The following SPNS3 variants were observed in gnomAD, a reference collection of about 807,000 sequenced individuals.
The protein encoded by SPNS3 is protein spinster homolog 3.
A neutral mutation model predicts 54.4 loss-of-function variants in SPNS3; 51 were observed. The observed-to-expected ratio is 0.94, with a 90% CI of 0.75 to 1.18. The LOEUF is 1.18. SPNS3 is among the 50% of genes most tolerant of loss of function. The pLI, the probability that SPNS3 is intolerant of heterozygous loss-of-function variation, is 0.00. For synonymous variants in SPNS3, 309 were observed against 294.7 expected (o/e 1.05, Z -0.50); for missense variants, 669 against 677.4 (o/e 0.99, Z 0.14).
intron 8 of SPNS3, among the ~76,000 whole-genome samples, chr17:4,477,851 C>G (rs1597341077): frequency 6.6e-6 from 1 of 152,036 alleles, no homozygotes; most frequent in South Asian, 2.1e-4. Context: ...CGCTGGCTGG[C>G]ACACGGTAGG....
In SPNS3 at chr17:4,434,018, GCAGGGCCAGTCCC is replaced by G; in HGVS notation, c.61_73del (p.Ser21AlafsTer33). 4 of 1,601,206 alleles carry G rather than the reference GCAGGGCCAGTCCC, an allele frequency of 2.5e-6. No homozygotes were observed. Among genetic ancestry groups the G allele is most frequent in the Non-Finnish European group, 3.4e-6 (4 of 1,173,552 alleles). On this transcript the variant is annotated frameshift_variant, in exon 1 of 12. Transcript: ENST00000355530. LOFTEE classifies it high-confidence loss of function. ...GCCCTGAGCCTGGGCCAGGAGGTCT[GCAGGGCCAGTCCC>G]CAGGGCCAGGCAGGCAGTGTCCCCC...
intron 7 of SPNS3, among the ~76,000 whole-genome samples, chr17:4,450,297 C>T (rs1426893133): frequency 6.6e-6 from 1 of 150,766 alleles, no homozygotes; most frequent in Non-Finnish European, 1.5e-5. Context: ...TCTCTTCTCT[C>T]CTTCCTTCTC....
chr17:4,446,861 C>T (rs753300813), intron 4 of SPNS3, 35 bp from the exon 5 acceptor site: 2 of 1,605,660 alleles, frequency 1.2e-6, no homozygotes, highest in Non-Finnish European at 1.7e-6. Context: ...GCCTCCCTCC[C>T]CTCACAGCCC....
intron 8 of SPNS3, among the ~76,000 whole-genome samples, chr17:4,460,530 C>T (rs1475358405): frequency 1.3e-5 from 2 of 148,612 alleles, no homozygotes; most frequent in African/African-American, 5.0e-5. Flanking sequence ...CGCCCGGGTT[C>T]ACACCATTCT....
intron 8 of SPNS3, among the ~76,000 whole-genome samples, chr17:4,462,694 A>C (rs1427883871): frequency 0.027 from 57 of 2,082 alleles, no homozygotes; most frequent in Middle Eastern, 0.062. Flanking sequence ...CCCACCCACC[A>C]ATCCATCCAT....
At chr17:4,448,963 G>T (rs1971079522) in intron 6 of SPNS3, among the ~76,000 whole-genome samples, 1 of 152,052 alleles carries the variant, frequency 6.6e-6, no homozygotes, top group Non-Finnish European at 1.5e-5. Flanking sequence ...TGTGTGAGTT[G>T]GGGGGGTCTC....
intron 9 of SPNS3, 127 bp downstream of exon 9, chr17:4,478,764 C>G (rs958730699): frequency 1.1e-6 from 1 of 884,176 alleles, no homozygotes. Flanking sequence ...AAGCCATTCA[C>G]GGTTATCTTG....
At chr17:4,436,336 C>A (rs566759391) in intron 1 of SPNS3, among the ~76,000 whole-genome samples, 1 of 152,164 alleles carries the variant, frequency 6.6e-6, no homozygotes, top group Non-Finnish European at 1.5e-5. Flanking sequence ...ACCTGGTCAT[C>A]GTCTTTGAGG....
intron 7 of SPNS3, among the ~76,000 whole-genome samples, chr17:4,451,261 TTTTC>T (rs1971156820): frequency 9.4e-6 from 1 of 106,422 alleles, no homozygotes; most frequent in Non-Finnish European, 2.3e-5. Flanking sequence ...TTTTTTTTTT[TTTTC>T]CATTTGAGAC....
At chr17:4,445,937 C>G in intron 3 of SPNS3, 111 bp from the exon 4 acceptor site, 1 of 1,306,456 alleles carries the variant, frequency 7.7e-7, no homozygotes, top group Non-Finnish European at 1.0e-6. Context: ...CCTCTCCCTA[C>G]TCTGGGGTCC....
chr17:4,478,545 C>G (rs367847748), intron 8 of SPNS3, 27 bp from the exon 9 acceptor site: 1 of 1,556,270 alleles, frequency 6.4e-7, no homozygotes, highest in Non-Finnish European at 8.7e-7. Flanking sequence ...TCTGGGAATC[C>G]TCACCCAGGC....
At chr17:4,442,744 G>C (rs1970885591) in intron 2 of SPNS3, among the ~76,000 whole-genome samples, 1 of 152,162 alleles carries the variant, frequency 6.6e-6, no homozygotes, top group Admixed American at 6.6e-5. Flanking sequence ...AATCCCACCA[G>C]GCAGGTTTTA....
At chr17:4,475,724 G>A (rs1971975444) in intron 8 of SPNS3, among the ~76,000 whole-genome samples, 1 of 152,310 alleles carries the variant, frequency 6.6e-6, no homozygotes, top group East Asian at 1.9e-4. Context: ...GGCCGTCCAG[G>A]AAGGACCTGG....
intron 8 of SPNS3, among the ~76,000 whole-genome samples, chr17:4,453,460 T>C (rs1799942569): frequency 6.6e-6 from 1 of 152,058 alleles, no homozygotes; most frequent in Non-Finnish European, 1.5e-5. Context: ...CTACTAAAAA[T>C]ACAAAAAATT....
At chr17:4,481,470 C>A (rs1937832465) in intron 9 of SPNS3, among the ~76,000 whole-genome samples, 1 of 151,992 alleles carries the variant, frequency 6.6e-6, no homozygotes, top group South Asian at 2.1e-4. Context: ...AACAAGGGAG[C>A]AGGAAGCTAA....
intron 8 of SPNS3, among the ~76,000 whole-genome samples, chr17:4,477,720 G>A (rs1045955869): frequency 6.6e-6 from 1 of 152,146 alleles, no homozygotes; most frequent in African/African-American, 2.4e-5. Flanking sequence ...CCCCGTCCTC[G>A]ACCAGGCTCG....
intron 7 of SPNS3, 150 bp downstream of exon 7, chr17:4,449,537 C>T (rs1971102435): frequency 9.9e-7 from 1 of 1,008,672 alleles, no homozygotes; most frequent in Non-Finnish European, 1.4e-6. Flanking sequence ...CAGATGGCAG[C>T]AGGAGGCCTG....
intron 8 of SPNS3, among the ~76,000 whole-genome samples, chr17:4,467,541 C>T (rs1014524223): frequency 1.3e-5 from 2 of 152,108 alleles, no homozygotes; most frequent in African/African-American, 4.8e-5. Flanking sequence ...CTAGGCTAGA[C>T]CAGCTTCCTT....
At chr17:4,448,771 A>T (rs1971074693) in intron 6 of SPNS3, among the ~76,000 whole-genome samples, 1 of 152,122 alleles carries the variant, frequency 6.6e-6, no homozygotes, top group African/African-American at 2.4e-5. Context: ...AGGCCTCATG[A>T]TTCACTGCAA....
Sources: gnomAD v4.1 joint callset for allele counts (sites outside exome capture counted in the v4.1 genomes callset) on GRCh38, gnomAD v4.1.1 for gene constraint, MANE v1.5 for transcripts, NCBI Gene and HGNC (gene_info 2026-07-23, HGNC 2026-07-21) for gene names.